Variants in APOL5 observed in about 807,000 individuals in gnomAD.
The protein encoded by APOL5 is apolipoprotein L5.
A neutral mutation model predicts 35.5 loss-of-function variants in APOL5; 29 were observed. That is an observed-to-expected ratio of 0.82 (90% CI 0.61 to 1.11). APOL5 has a LOEUF of 1.11. APOL5 is among the 50% of genes most tolerant of loss of function. The pLI, the probability that APOL5 is intolerant of heterozygous loss-of-function variation, is 0.00. For missense variants in APOL5, 514 were observed against 530.4 expected (o/e 0.97, Z 0.30); for synonymous variants, 188 against 200.2 (o/e 0.94, Z 0.51).
intron 2 of APOL5, among the ~76,000 whole-genome samples, chr22:35,724,499 G>A (rs1354329855): frequency 6.6e-6 from 1 of 151,952 alleles, no homozygotes; most frequent in Non-Finnish European, 1.5e-5. Context: ...ATAAATGTAT[G>A]CATGTATGTA....
the APOL5 span, among the ~76,000 whole-genome samples, chr22:35,711,256 A>G: frequency 3.9e-5 from 6 of 152,184 alleles, no homozygotes; most frequent in Non-Finnish European, 8.8e-5. Context: ...TGATGTGTAT[A>G]TATCACCTTT....
chr22:35,728,739 C>CT lies in APOL5; in HGVS notation c.1143_1144insT (p.Pro382SerfsTer10). 1 of 1,612,930 alleles carries CT rather than the reference C, an allele frequency of 6.2e-7. No individual in the cohort carries two copies. The highest frequency in any genetic ancestry group is 8.5e-7 in the Non-Finnish European group (1 of 1,179,484). ...GTTCCACAGGGTCTCGCTCACCTCT[C>CT]CCCTGGCCTGTTGTGGAGCACCAGC... On this transcript the variant is annotated frameshift_variant, in exon 4 of 5. Coordinates refer to ENST00000249044, the MANE Select transcript of APOL5 (RefSeq NM_030642.1). LOFTEE classifies it high-confidence loss of function.
In APOL5 at chr22:35,720,673, C is replaced by T. The variant is rs370168171; in HGVS notation, c.142+19C>T. 2.6e-6 allele frequency: 4 copies of T among 1,547,800 alleles called. No homozygotes were observed. The highest frequency in any genetic ancestry group is 3.6e-6 in the Non-Finnish European group (4 of 1,121,360). ...GAGTTCCGTGAGGGCAGAGAACAGG[C>T]TGTTATGCTTATGGCCACAATCCCA... On this transcript the variant is annotated intron_variant, in intron 2 of 4. Coordinates refer to ENST00000249044, the MANE Select transcript of APOL5 (RefSeq NM_030642.1).
At chr22:35,717,768 G>GGGA (rs3075240), upstream of APOL5, 28 of 412,176 alleles carry the variant, frequency 6.8e-5, no homozygotes, top group Non-Finnish European at 1.0e-4. Flanking sequence ...GAAAAGAAAA[G>GGGA]AAAAAAAAAT....
chr22:35,718,667 A>C (rs1482045526), intron 1 of APOL5, among the ~76,000 whole-genome samples: 1 of 151,932 alleles, frequency 6.6e-6, no homozygotes, highest in African/African-American at 2.4e-5. Context: ...ATGACAATAC[A>C]TCTTCTCTTA....
intron 2 of APOL5, among the ~76,000 whole-genome samples, chr22:35,721,364 G>A (rs1379085849): frequency 6.6e-6 from 1 of 152,004 alleles, no homozygotes; most frequent in Non-Finnish European, 1.5e-5. Context: ...CCAACATGGT[G>A]AAACGTCATT....
intron 1 of APOL5, 21 bp downstream of exon 1, chr22:35,717,947 A>G (rs376655085): frequency 1.1e-5 from 17 of 1,543,854 alleles, no homozygotes; most frequent in Non-Finnish European, 1.4e-5. Context: ...TTAAGCTTTC[A>G]GAAAACAAGC....
chr22:35,713,899 T>G (rs1926663366), upstream of APOL5, among the ~76,000 whole-genome samples: 1 of 152,150 alleles, frequency 6.6e-6, no homozygotes, highest in South Asian at 2.1e-4. Context: ...TTGCCCTATC[T>G]CCCATGAGAT....
upstream of APOL5, among the ~76,000 whole-genome samples, chr22:35,716,937 G>A (rs1221967036): frequency 6.6e-6 from 1 of 151,374 alleles, no homozygotes; most frequent in Admixed American, 6.6e-5. Flanking sequence ...TTTTCAAATT[G>A]TTTCCATTTC....
chr22:35,710,215 C>T, the APOL5 span, among the ~76,000 whole-genome samples: 1 of 149,440 alleles, frequency 6.7e-6, no homozygotes, highest in African/African-American at 2.5e-5. Context: ...CTCAACATCC[C>T]AGGCTCTCAA....
chr22:35,719,029 A>G (rs1256731252), intron 1 of APOL5, among the ~76,000 whole-genome samples: 1 of 151,054 alleles, frequency 6.6e-6, no homozygotes, highest in Non-Finnish European at 1.5e-5. Context: ...ACTGCATTCC[A>G]GCCTGGGTGA....
At chr22:35,727,265 C>A in intron 3 of APOL5, 71 bp downstream of exon 3, 1 of 1,534,762 alleles carries the variant, frequency 6.5e-7, no homozygotes, top group Non-Finnish European at 8.7e-7. Context: ...TGGGGGGCGA[C>A]GAATGCTAAA....
intron 1 of APOL5, among the ~76,000 whole-genome samples, chr22:35,718,929 C>T (rs111347373): frequency 0.041 from 6,181 of 151,850 alleles, 154 homozygotes; most frequent in Middle Eastern, 0.095. Flanking sequence ...CATGGTGGTG[C>T]GCACCTATAA....
chr22:35,709,680 G>A, the APOL5 span, among the ~76,000 whole-genome samples: 3 of 152,086 alleles, frequency 2.0e-5, no homozygotes, highest in South Asian at 6.2e-4. Flanking sequence ...ATTCCAAGGA[G>A]CATATGTTGG....
chr22:35,728,921 G>T lies in APOL5; in HGVS notation c.*6+17G>T, dbSNP rs977636919. 1 of 1,567,918 alleles carries T rather than the reference G, an allele frequency of 6.4e-7. No individual in the cohort carries two copies. The highest frequency in any genetic ancestry group is 1.9e-5 in the Admixed American group (1 of 52,932). The stretch of plus-strand genomic sequence containing the variant: ...TGAGAAGAGGTAAGTGGGACGCAAG[G>T]AAGCCAGGAGCTGTGGGAACCCCTG... On this transcript the variant is annotated intron_variant, in intron 4 of 4. Coordinates refer to ENST00000249044, the MANE Select transcript of APOL5 (RefSeq NM_030642.1).
chr22:35,716,924 G>T (rs990782281), upstream of APOL5, among the ~76,000 whole-genome samples: 1 of 151,500 alleles, frequency 6.6e-6, no homozygotes, highest in Non-Finnish European at 1.5e-5. Flanking sequence ...CCCCGGCATG[G>T]ATTTTTCAAA....
At chr22:35,721,659 A>G (rs550381786) in intron 2 of APOL5, among the ~76,000 whole-genome samples, 2 of 152,216 alleles carry the variant, frequency 1.3e-5, no homozygotes, top group African/African-American at 4.8e-5. Context: ...TTTTCTCCCA[A>G]TCCAGGAATA....
At chr22:35,708,468 T>C in the APOL5 span, among the ~76,000 whole-genome samples, 1 of 151,500 alleles carries the variant, frequency 6.6e-6, no homozygotes, top group East Asian at 1.9e-4. Flanking sequence ...TTCCAGGCCC[T>C]GTCCTGTCCA....
chr22:35,714,827 A>G (rs1452354371), upstream of APOL5, among the ~76,000 whole-genome samples: 1 of 152,234 alleles, frequency 6.6e-6, no homozygotes, highest in African/African-American at 2.4e-5. Context: ...CCCTGAGCAC[A>G]GTGGCCACAG....
Sources: gnomAD v4.1 joint callset for allele counts (sites outside exome capture counted in the v4.1 genomes callset) on GRCh38, gnomAD v4.1.1 for gene constraint, MANE v1.5 for transcripts, NCBI Gene and HGNC (gene_info 2026-07-23, HGNC 2026-07-21) for gene names.